The following AIRE variants were observed in gnomAD, a reference collection of about 807,000 sequenced individuals.
AIRE encodes autoimmune regulator.
A neutral mutation model predicts 62.1 loss-of-function variants in AIRE; 52 were observed. The ratio of observed to expected loss-of-function variants is 0.84; its 90% CI spans 0.67 to 1.06. AIRE has a LOEUF of 1.06. AIRE is among the 50% of genes least tolerant of loss of function. The pLI is 0.00. For missense variants in AIRE, 774 were observed against 755.8 expected (o/e 1.02, Z -0.28); for synonymous variants, 342 against 321.6 (o/e 1.06, Z -0.68).
intron 12 of AIRE, 96 bp from the exon 13 acceptor site, chr21:44,296,287 G>A (rs916047956): frequency 1.8e-6 from 2 of 1,122,866 alleles, no homozygotes; most frequent in Non-Finnish European, 2.7e-6. Context: ...TCTCAGTGTG[G>A]GGGAAACACC....
In AIRE at chr21:44,287,496, G is replaced by T. The variant is rs1316205956; in HGVS notation, c.464-21G>T. 11 of 1,543,012 alleles carry T rather than the reference G, an allele frequency of 7.1e-6. No homozygotes were observed. The African/African-American group carries it at 1.4e-4, about 19-fold the overall frequency. On this transcript the variant is annotated intron_variant, in intron 3 of 13. Coordinates refer to ENST00000291582, the MANE Select transcript of AIRE (RefSeq NM_000383.4). The surrounding 1 kb of genome is among the most constrained non-coding windows in gnomAD (Gnocchi z 4.3). ...CCCCACTGAGAGGGGAGGCCAGGCT[G>T]CCCCCAGCTCCCCCATTCAGGCTCT...
Position 44,286,194 on chromosome 21 carries a change from C to G in AIRE, c.132+56C>G, listed in dbSNP as rs1390984189. 50 of 1,516,968 alleles carry G rather than the reference C, an allele frequency of 3.3e-5. No individual in the cohort carries two copies. The highest frequency in any genetic ancestry group is 4.4e-5 in the Non-Finnish European group (50 of 1,127,348). The allele number at this position is 1,516,968 out of a possible 1,614,324, so 94.0% of individuals were successfully genotyped here. A position where few individuals can be genotyped will look rare whatever the true frequency, so the allele number is the denominator to read the frequency against. On this transcript the variant is annotated intron_variant, in intron 1 of 13. Transcript: ENST00000291582. This position sits in a 1 kb window ranked among gnomAD's most constrained non-coding sequence, Gnocchi z 6.0. ...CAGGCCCTGTGAGCCAGGGATAGTCCCCGGGGAAGTTCCAGGAGGACCCCG... is the reference window on the plus strand; with the variant it reads ...CAGGCCCTGTGAGCCAGGGATAGTCGCCGGGGAAGTTCCAGGAGGACCCCG...
At chr21:44,290,578 C>A (rs1195348535) in intron 7 of AIRE, 1 of 718,918 alleles carries the variant, frequency 1.4e-6, no homozygotes, top group Admixed American at 6.3e-5. Flanking sequence ...TGGTGGGCGT[C>A]TGGGGGATTG....
chr21:44,292,226 G>C, intron 8 of AIRE, 76 bp from the exon 9 acceptor site: 4 of 1,197,124 alleles, frequency 3.3e-6, no homozygotes, highest in Non-Finnish European at 4.8e-6. Flanking sequence ...GAGCCCTGGA[G>C]CTCCACCCGT....
chr21:44,289,702 C>T lies in AIRE; in HGVS notation c.698C>T (p.Pro233Leu). 1 of 1,612,810 alleles carries T rather than the reference C, an allele frequency of 6.2e-7. No individual in the cohort carries two copies. The highest frequency in any genetic ancestry group is 1.1e-5 in the South Asian group (1 of 91,080). ...CIQVGGEFYT[P>L]SKFEDSGSGK... ...CAGGTTGGCGGGGAGTTCTACACTC[C>T]CAGCAAGTTCGAAGACTCCGGCAGT... Residue 233 changes from proline (P) to leucine (L), a missense_variant, in exon 6 of 14, where the codon CCC becomes CTC. By Grantham distance (98) the Pro-to-Leu change is moderately conservative (BLOSUM62 -3). This residue lies in a region of AIRE where 385 missense variants were observed against 396.0 expected (regional missense o/e 0.97). Transcript: ENST00000291582.
In AIRE at chr21:44,286,673, GGACTACAA is replaced by G; in HGVS notation, c.250_257del (p.Asp84ProfsTer130). On this transcript the variant is annotated frameshift_variant, in exon 2 of 14. Coordinates refer to ENST00000291582, the MANE Select transcript of AIRE (RefSeq NM_000383.4). LOFTEE classifies it high-confidence loss of function. This position sits in a 1 kb window ranked among gnomAD's most constrained non-coding sequence, Gnocchi z 6.0. ...TGGACTTCTGGAGGGTGCTGTTCAAGGACTACAACCTGGAGCGCTATGGCCGGCTGCAG... is the reference window on the plus strand; with the variant it reads ...TGGACTTCTGGAGGGTGCTGTTCAAGCCTGGAGCGCTATGGCCGGCTGCAG... 1 of 1,613,092 alleles carries G rather than the reference GGACTACAA, an allele frequency of 6.2e-7. No individual in the cohort carries two copies. The highest frequency in any genetic ancestry group is 8.5e-7 in the Non-Finnish European group (1 of 1,180,000).
intron 9 of AIRE, 61 bp from the exon 10 acceptor site, chr21:44,292,932 A>C: frequency 1.3e-6 from 2 of 1,529,836 alleles, no homozygotes; most frequent in Non-Finnish European, 1.8e-6. Flanking sequence ...GCAGTCACTG[A>C]CTCCTGGGTG....
chr21:44,289,712 CG>C lies in AIRE; in HGVS notation c.709del (p.Glu237LysfsTer141). 1 of 1,612,838 alleles carries C rather than the reference CG, an allele frequency of 6.2e-7. No individual in the cohort carries two copies. The highest frequency in any genetic ancestry group is 8.5e-7 in the Non-Finnish European group (1 of 1,179,992). ...GGEFYTPSKF[E>X]DSGSGKNKAR... ...GGGAGTTCTACACTCCCAGCAAGTT[CG>C]AAGACTCCGGCAGTGGGAAGAACAA... On this transcript the variant is annotated frameshift_variant, in exon 6 of 14. Transcript: ENST00000291582. LOFTEE classifies it high-confidence loss of function.
chr21:44,293,270 G>A, intron 10 of AIRE, 95 bp downstream of exon 10: 1 of 1,336,096 alleles, frequency 7.5e-7, no homozygotes, highest in Non-Finnish European at 9.9e-7. Context: ...AGGGAGGCCA[G>A]GCGAGAAAGG....
chr21:44,288,489 T>C (rs1217998971), intron 5 of AIRE, 31 bp downstream of exon 5: 11 of 1,480,742 alleles, frequency 7.4e-6, no homozygotes, highest in Non-Finnish European at 1.0e-5. Context: ...ATGGGGCTGA[T>C]GGGGAGACCC....
At chr21:44,293,653 G>A (rs908346807) in intron 10 of AIRE, 136 bp from the exon 11 acceptor site, 37 of 1,414,408 alleles carry the variant, frequency 2.6e-5, no homozygotes, top group Middle Eastern at 2.5e-4. Flanking sequence ...GCGTGGCACC[G>A]TGAGGCTCCT....
At chr21:44,290,800 AG>A in intron 7 of AIRE, 29 of 1,499,662 alleles carry the variant, frequency 1.9e-5, no homozygotes, top group Non-Finnish European at 2.6e-5. Flanking sequence ...CCTGTGAGGA[AG>A]GGTTCATGTG....
chr21:44,290,823 G>A (rs757901345), intron 7 of AIRE: 23 of 1,557,970 alleles, frequency 1.5e-5, no homozygotes, highest in Non-Finnish European at 1.9e-5. Context: ...TTGGTGTACA[G>A]TTCCGGGGCC....
chr21:44,287,469 AC>A lies in AIRE; in HGVS notation c.464-43del, dbSNP rs1225455369. On this transcript the variant is annotated intron_variant, in intron 3 of 13. Coordinates refer to ENST00000291582, the MANE Select transcript of AIRE (RefSeq NM_000383.4). The surrounding 1 kb of genome is among the most constrained non-coding windows in gnomAD (Gnocchi z 4.3). ...CGCGGGCCCCTGCCCACCGGCACTC[AC>A]CCCCACTGAGAGGGGAGGCCAGGCT... 8 of 1,354,084 alleles carry A rather than the reference AC, an allele frequency of 5.9e-6. No individual in the cohort carries two copies. Among genetic ancestry groups the A allele is most frequent in the African/African-American group, 1.5e-5 (1 of 68,332 alleles). The allele number at this position is 1,354,084 out of a possible 1,614,324, so 83.9% of individuals were successfully genotyped here.
Position 44,287,013 on chromosome 21 carries a change from C to T in AIRE, c.343C>T (p.Pro115Ser). ...CAGCCAGCCCCGGAAGGGGAGGAAG[C>T]CCCCGGCCGTCCCCAAGGCTTTGGT... ...DLSQPRKGRKPPAVPKALVPP... is the reference protein window; with the variant it reads ...DLSQPRKGRKSPAVPKALVPP... Residue 115 changes from proline (P) to serine (S), a missense_variant, in exon 3 of 14, where the codon CCC (proline) becomes TCC (serine). Coordinates refer to ENST00000291582, the MANE Select transcript of AIRE (RefSeq NM_000383.4). This position sits in a 1 kb window ranked among gnomAD's most constrained non-coding sequence, Gnocchi z 4.3. 1 of 1,612,760 alleles carries T rather than the reference C, an allele frequency of 6.2e-7. No individual in the cohort carries two copies. The highest frequency in any genetic ancestry group is 1.1e-5 in the South Asian group (1 of 91,082).
At chr21:44,288,801 C>A (rs555941224) in intron 5 of AIRE, 1 of 270,868 alleles carries the variant, frequency 3.7e-6, no homozygotes, top group South Asian at 5.8e-5. Flanking sequence ...TCCAGGGTAT[C>A]GGCATTCTTC....
Position 44,287,059 on chromosome 21 carries a change from C to A in AIRE, c.389C>A (p.Thr130Asn). 1 of 1,612,830 alleles carries A rather than the reference C, an allele frequency of 6.2e-7. No homozygotes were observed. Among genetic ancestry groups the A allele is most frequent in the South Asian group, 1.1e-5 (1 of 91,086 alleles). The change falls in exon 3 of 14, where the codon ACC becomes AAC. Residue 130 changes from threonine to asparagine, a missense_variant. Physicochemically the swap from Thr to Asn is moderately conservative, Grantham distance 65. Around this residue, in one of 3 missense-constraint regions of AIRE, gnomAD observed 385 missense variants for 396.0 expected, o/e 0.97. Transcript: ENST00000291582. This position sits in a 1 kb window ranked among gnomAD's most constrained non-coding sequence, Gnocchi z 4.3. ...TTGGTACCGCCACCCAGACTCCCCA[C>A]CAAGAGGAAGGCCTCAGAAGAGGCT... ...KALVPPPRLP[T>N]KRKASEEARA...
chr21:44,288,726 T>C (rs2040505883), intron 5 of AIRE: 1 of 466,818 alleles, frequency 2.1e-6, no homozygotes, highest in Non-Finnish European at 3.9e-6. Context: ...TCCATCCATG[T>C]GCATGGGCCC....
chr21:44,286,510 A>G lies in AIRE; in HGVS notation c.133-47A>G. ...GTCATGATGGAGATGGGCAGGCCGCAGGGTGTGGGGGACCATGGCAGGGAC... is the reference window on the plus strand; with the variant it reads ...GTCATGATGGAGATGGGCAGGCCGCGGGGTGTGGGGGACCATGGCAGGGAC... On this transcript the variant is annotated intron_variant, in intron 1 of 13. Transcript: ENST00000291582. The surrounding 1 kb of genome is among the most constrained non-coding windows in gnomAD (Gnocchi z 6.0). 1 of 1,569,902 alleles carries G rather than the reference A, an allele frequency of 6.4e-7. No individual in the cohort carries two copies. Among genetic ancestry groups the G allele is most frequent in the Non-Finnish European group, 8.7e-7 (1 of 1,151,000 alleles).
Sources: gnomAD v4.1 joint callset for allele counts on GRCh38, gnomAD v4.1.1 for gene constraint, gnomAD v4.1.1 regional missense constraint, Gnocchi (gnomAD v3.1) non-coding constraint, MANE v1.5 for transcripts, NCBI Gene and HGNC (gene_info 2026-07-23, HGNC 2026-07-21) for gene names.